The following SGCZ variants were observed in gnomAD, a reference collection of about 807,000 sequenced individuals.
The protein encoded by SGCZ is sarcoglycan zeta, also known as zeta-sarcoglycan.
Under a neutral mutation model 41.3 loss-of-function variants are expected in SGCZ, and 40 were observed. The observed-to-expected ratio is 0.97, with a 90% CI of 0.75 to 1.26. The LOEUF is 1.26. Ranked by LOEUF, SGCZ falls within the 50% of genes most tolerant of loss-of-function variation. The pLI, the probability that SGCZ is intolerant of heterozygous loss-of-function variation, is 0.00. For missense variants in SGCZ, 552 were observed against 369.8 expected (o/e 1.49, Z -4.04); for synonymous variants, 206 against 137.5 (o/e 1.50, Z -3.49).
At chr8:14,122,499 T>C (rs993254354) in intron 5 of SGCZ, among the ~76,000 whole-genome samples, 6 of 152,240 alleles carry the variant, frequency 3.9e-5, no homozygotes, top group African/African-American at 1.2e-4. Flanking sequence ...AGGTTCATTG[T>C]ATTTAATCAA....
In SGCZ at chr8:14,299,628, T is replaced by A. The variant is rs1801122207; in HGVS notation, c.336+24475A>T. Among the ~76,000 whole-genome samples, 3 of 152,004 alleles carry A rather than the reference T, an allele frequency of 2.0e-5. No homozygotes were observed. In the South Asian group the frequency reaches 6.2e-4, roughly 31 times the overall value. On this transcript the variant is annotated intron_variant, in intron 3 of 7. Coordinates refer to ENST00000382080, the MANE Select transcript of SGCZ (RefSeq NM_139167.4). Reference sequence around the variant, plus strand: ...ACCACAAAGAAATCCCACACACACTTCTTTAAAAACCTAAACAGACTAATA... The same window carrying A: ...ACCACAAAGAAATCCCACACACACTACTTTAAAAACCTAAACAGACTAATA...
chr8:14,928,955 C>T (rs1799845323), intron 1 of SGCZ, among the ~76,000 whole-genome samples: 1 of 152,064 alleles, frequency 6.6e-6, no homozygotes, highest in Non-Finnish European at 1.5e-5. Flanking sequence ...TTATGAAATT[C>T]ATGACTGCAT....
chr8:14,682,695 A>T (rs1430261420), intron 1 of SGCZ, among the ~76,000 whole-genome samples: 1 of 152,142 alleles, frequency 6.6e-6, no homozygotes, highest in Non-Finnish European at 1.5e-5. Flanking sequence ...CGGCCTCCCA[A>T]AGTGCTGGGA....
chr8:15,194,323 G>C (rs887689454), intron 1 of SGCZ, among the ~76,000 whole-genome samples: 2 of 151,826 alleles, frequency 1.3e-5, no homozygotes, highest in African/African-American at 2.4e-5. Context: ...GTTTATTCAT[G>C]GTGGGCACCA....
At chr8:14,598,902 C>G (rs1223009696) in intron 1 of SGCZ, among the ~76,000 whole-genome samples, 1 of 152,112 alleles carries the variant, frequency 6.6e-6, no homozygotes, top group Non-Finnish European at 1.5e-5. Context: ...GCAATACTCC[C>G]TCCCATGATT....
chr8:14,808,828 A>C (rs10092523), intron 1 of SGCZ, among the ~76,000 whole-genome samples: 67,991 of 151,154 alleles, frequency 0.45, 15,542 homozygotes, highest in East Asian at 0.5. Flanking sequence ...TTGGAACCAA[A>C]CCAAATGTCC....
intron 1 of SGCZ, among the ~76,000 whole-genome samples, chr8:14,594,734 C>T (rs1422804274): frequency 6.6e-6 from 1 of 151,840 alleles, no homozygotes; most frequent in African/African-American, 2.4e-5. Context: ...GGGTGTCTTG[C>T]ATATGTGTGT....
At chr8:15,031,622 C>T (rs555831556) in intron 1 of SGCZ, among the ~76,000 whole-genome samples, 1 of 152,244 alleles carries the variant, frequency 6.6e-6, no homozygotes, top group Admixed American at 6.5e-5. Flanking sequence ...GTGAGGCTTC[C>T]CACACTGGCA....
At chr8:14,384,046 T>C (rs1804473768) in intron 2 of SGCZ, among the ~76,000 whole-genome samples, 1 of 152,012 alleles carries the variant, frequency 6.6e-6, no homozygotes, top group Non-Finnish European at 1.5e-5. Context: ...ACATGTGCCA[T>C]ATTGGTGTGC....
intron 2 of SGCZ, among the ~76,000 whole-genome samples, chr8:14,532,771 A>C (rs1803172989): frequency 6.6e-6 from 1 of 151,110 alleles, no homozygotes; most frequent in South Asian, 2.1e-4. Context: ...AAAGAAGACT[A>C]AGCTATTTCA....
chr8:14,355,811 T>A (rs1226150808), intron 2 of SGCZ, among the ~76,000 whole-genome samples: 1 of 151,958 alleles, frequency 6.6e-6, no homozygotes, highest in East Asian at 1.9e-4. Context: ...AATACAAGAA[T>A]AAAAAAACAG....
intron 1 of SGCZ, among the ~76,000 whole-genome samples, chr8:14,639,576 G>A (rs896650993): frequency 1.3e-5 from 2 of 151,672 alleles, no homozygotes; most frequent in Non-Finnish European, 2.9e-5. Flanking sequence ...ATAGTCTTGG[G>A]TAATCTTGAA....
intron 1 of SGCZ, among the ~76,000 whole-genome samples, chr8:14,727,972 T>C (rs1810113127): frequency 6.6e-6 from 1 of 152,118 alleles, no homozygotes. Flanking sequence ...TAAAAAATAC[T>C]CTGAAACAAA....
intron 1 of SGCZ, among the ~76,000 whole-genome samples, chr8:15,041,801 T>G (rs1207028288): frequency 2.0e-5 from 3 of 152,086 alleles, no homozygotes; most frequent in Admixed American, 2.0e-4. Context: ...TCCATTGCAA[T>G]GAAATATGTA....
rs997489834 is a variant in SGCZ at position 14,974,762 on chromosome 8, G to C, written c.39+262823C>G. Among the ~76,000 whole-genome samples, 3 of 151,068 alleles carry C rather than the reference G, an allele frequency of 2.0e-5. No homozygotes were observed. The East Asian group carries it at 5.8e-4, about 29-fold the overall frequency. On this transcript the variant is annotated intron_variant, in intron 1 of 7. Coordinates refer to ENST00000382080, the MANE Select transcript of SGCZ (RefSeq NM_139167.4). Reference sequence around the variant, plus strand: ...GGCACACATCCTTTTGTGAACTATAGTCCATGATACTACAATGAACAAAGT... The same window carrying C: ...GGCACACATCCTTTTGTGAACTATACTCCATGATACTACAATGAACAAAGT...
intron 3 of SGCZ, among the ~76,000 whole-genome samples, chr8:14,284,780 T>G (rs1258765191): frequency 6.6e-6 from 1 of 152,192 alleles, no homozygotes; most frequent in Non-Finnish European, 1.5e-5. Flanking sequence ...CCTAAGTTAC[T>G]GTTGAAATTG....
intron 1 of SGCZ, among the ~76,000 whole-genome samples, chr8:14,635,645 C>A (rs1806803247): frequency 6.6e-6 from 1 of 151,642 alleles, no homozygotes. Context: ...CATTAATCCT[C>A]AGTTTGTCCA....
At chr8:14,683,436 A>T (rs1808510355) in intron 1 of SGCZ, among the ~76,000 whole-genome samples, 1 of 152,188 alleles carries the variant, frequency 6.6e-6, no homozygotes, top group Non-Finnish European at 1.5e-5. Flanking sequence ...TAGAATATTT[A>T]TCCTTTAATG....
chr8:15,188,563 A>C (rs1800424062), intron 1 of SGCZ, among the ~76,000 whole-genome samples: 2 of 152,272 alleles, frequency 1.3e-5, no homozygotes, highest in African/African-American at 4.8e-5. Context: ...AACATTTCCT[A>C]CAAAGAATCT....
Sources: allele counts gnomAD v4.1 joint callset (sites outside exome capture counted in the v4.1 genomes callset), GRCh38; gene constraint gnomAD v4.1.1; transcripts MANE v1.5; gene names NCBI Gene and HGNC (gene_info 2026-07-23, HGNC 2026-07-21).